The following C21orf58 variants were observed in gnomAD, a reference collection of about 807,000 sequenced individuals.
C21orf58 encodes chromosome 21 open reading frame 58.
Under a neutral mutation model 35.8 loss-of-function variants are expected in C21orf58, and 34 were observed. That is an observed-to-expected ratio of 0.95 (90% confidence interval 0.72 to 1.26). The LOEUF is 1.26. Among genes scored for constraint, C21orf58 ranks in the 50% most tolerant of loss-of-function variants. C21orf58 has a pLI of 0.00. For synonymous variants in C21orf58, 191 were observed against 175.8 expected, an observed-to-expected ratio of 1.09 and a Z score of -0.68; for missense variants, 440 against 414.3, an observed-to-expected ratio of 1.06 and a Z score of -0.54.
chr21:46,315,708 T>A (rs976711260), intron 3 of C21orf58, among the ~76,000 whole-genome samples, 161 bp from the exon 4 acceptor site: 3 of 151,920 alleles, frequency 2.0e-5, no homozygotes, highest in Admixed American at 2.0e-4. Context: ...TTATCCCAGA[T>A]AAAGAGGGAC....
intron 1 of C21orf58, chr21:46,318,668 C>T (rs1318183366): frequency 9.5e-7 from 1 of 1,055,838 alleles, no homozygotes; most frequent in Non-Finnish European, 1.1e-6. Context: ...AGACTGCCTA[C>T]CAAGGAGTTC....
chr21:46,310,688 A>G (rs2082640689), intron 6 of C21orf58, among the ~76,000 whole-genome samples: 1 of 151,216 alleles, frequency 6.6e-6, no homozygotes, highest in Non-Finnish European at 1.5e-5. Context: ...GCAGGCCTAC[A>G]GTTCCAGCCA....
In C21orf58 at chr21:46,301,875, G is replaced by A. The variant is rs535508261; in HGVS notation, c.*124C>T. The A allele has an allele frequency of 7.8e-5, 104 of 1,325,436 alleles. No homozygotes were observed. Among genetic ancestry groups the A allele is most frequent in the African/African-American group, 6.3e-4 (41 of 65,438 alleles). The allele number at this position is 1,325,436 out of a possible 1,614,324, so 82.1% of individuals were successfully genotyped here. A position where few individuals can be genotyped will look rare whatever the true frequency, so the allele number is the denominator to read the frequency against. ...CAGGAGGAGCCTGCAGTCCACACTC[G>A]CGTAGCCACTCCGGGTGGTGGCAGG... On this transcript the variant is annotated 3_prime_UTR_variant, in exon 8 of 8. Coordinates refer to ENST00000291691, the MANE Select transcript of C21orf58 (RefSeq NM_058180.5).
Position 46,302,042 on chromosome 21 carries a change from A to C in C21orf58, c.926T>G (p.Val309Gly), listed in dbSNP as rs1175333601. ...HAVWPPGAAT[V>G]LQPAPSLWTP... is the part of the protein sequence containing the mutation. ...CCACAGGCTGGGGGCGGGCTGGAGG[A>C]CAGTGGCAGCCCCAGGTGGCCACAC... The change falls in exon 8 of 8, where the codon GTC becomes GGC. Residue 309 changes from valine to glycine, a missense_variant. Coordinates refer to ENST00000291691, the MANE Select transcript of C21orf58 (RefSeq NM_058180.5). 5.3e-6 allele frequency: 8 copies of C among 1,523,748 alleles called. No homozygotes were observed. Among genetic ancestry groups the C allele is most frequent in the Non-Finnish European group, 7.0e-6 (8 of 1,134,958 alleles). 94.4% of individuals were successfully genotyped at this position (1,523,748 alleles called of 1,614,324 possible).
At chr21:46,305,735 C>A (rs866155006) in intron 6 of C21orf58, among the ~76,000 whole-genome samples, 3 of 151,034 alleles carry the variant, frequency 2.0e-5, no homozygotes, top group Non-Finnish European at 4.4e-5. Context: ...GTTAGAAGAT[C>A]GAGACCATCC....
chr21:46,314,578 C>A, intron 5 of C21orf58, 138 bp downstream of exon 5: 1 of 662,860 alleles, frequency 1.5e-6, no homozygotes, highest in Non-Finnish European at 2.5e-6. Flanking sequence ...CAGCTGGCCC[C>A]CTTCAAGGGT....
In C21orf58 at chr21:46,301,336, G is replaced by A. The variant is rs8129883; in HGVS notation, c.*663C>T. ...TTTTAAATTTATTTTTTGTAGAGACGGGGTCTTGCTATGTGACCCAGGCTG... is the reference window on the plus strand; with the variant it reads ...TTTTAAATTTATTTTTTGTAGAGACAGGGTCTTGCTATGTGACCCAGGCTG... On this transcript the variant is annotated 3_prime_UTR_variant, in exon 8 of 8. Transcript: ENST00000291691. The A allele has an allele frequency of 5.6e-4, 192 of 343,648 alleles. 1 individual carries two copies. Among genetic ancestry groups the A allele is most frequent in the African/African-American group, 3.5e-3 (158 of 44,850 alleles). The allele number at this position is 343,648 out of a possible 1,614,324, so 21.3% of individuals were successfully genotyped here.
chr21:46,322,591 C>T, intron 1 of C21orf58, 48 bp downstream of exon 1: 1 of 1,441,620 alleles, frequency 6.9e-7, no homozygotes, highest in Non-Finnish European at 9.2e-7. Context: ...GCTCAAACCA[C>T]CCAATTCCGA....
At chr21:46,304,027 T>A (rs1234346871) in intron 6 of C21orf58, among the ~76,000 whole-genome samples, 1 of 108,860 alleles carries the variant, frequency 9.2e-6, no homozygotes, top group Non-Finnish European at 1.9e-5. Context: ...CTGGTTTTTT[T>A]TTTTTTTTTT....
At chr21:46,321,887 A>G (rs2083170163) in intron 1 of C21orf58, among the ~76,000 whole-genome samples, 1 of 140,882 alleles carries the variant, frequency 7.1e-6, no homozygotes, top group Non-Finnish European at 1.5e-5. Flanking sequence ...TATCTACAAA[A>G]TTTATCTGGG....
At chr21:46,309,175 C>T (rs988734718) in intron 6 of C21orf58, among the ~76,000 whole-genome samples, 5 of 151,674 alleles carry the variant, frequency 3.3e-5, no homozygotes, top group Admixed American at 2.0e-4. Context: ...AAAAATTAAC[C>T]GAAGGCCAGG....
chr21:46,311,473 G>C lies in C21orf58; in HGVS notation c.704C>G (p.Ser235Ter). ...ACACTTACCTTCCTTAATACTTCCT[G>C]ACCGTTGAGTAGGGAAGGCCTGGGG... is the stretch of plus-strand genomic sequence containing the variant. ...PPPQAFPTQRSGSIKEDMVEL... is the reference protein window; with the variant it reads ...PPPQAFPTQR Residue 235 changes from serine (S) to a stop codon, truncating the protein, a stop_gained, in exon 6 of 8, where the codon TCA becomes TGA. Coordinates refer to ENST00000291691, the MANE Select transcript of C21orf58 (RefSeq NM_058180.5). LOFTEE classifies it high-confidence loss of function. 1 of 1,598,868 alleles carries C rather than the reference G, an allele frequency of 6.3e-7. No homozygotes were observed. The highest frequency in any genetic ancestry group is 8.6e-7 in the Non-Finnish European group (1 of 1,169,174).
Position 46,322,634 on chromosome 21 carries a change from C to T in C21orf58, c.100+5G>A, listed in dbSNP as rs1305208825. ...AACCAGGAGACCGCTGGACACCCCGCTCACCACACAGAAGACTGTGGCCTG... is the reference window on the plus strand; with the variant it reads ...AACCAGGAGACCGCTGGACACCCCGTTCACCACACAGAAGACTGTGGCCTG... On this transcript the variant is annotated splice_donor_5th_base_variant and intron_variant, in intron 1 of 7. Transcript: ENST00000291691. 7.2e-6 allele frequency: 11 copies of T among 1,533,806 alleles called. No individual in the cohort carries two copies. The highest frequency in any genetic ancestry group is 2.4e-5 in the East Asian group (1 of 41,466).
rs1433507528 is a variant in C21orf58 at position 46,302,249 on chromosome 21, T to C, written c.814-95A>G. The C allele has an allele frequency of 1.1e-5, 16 of 1,432,098 alleles. No individual in the cohort carries two copies. In the East Asian group the frequency reaches 4.1e-4, roughly 36 times the overall value. The allele number at this position is 1,432,098 out of a possible 1,614,324, so 88.7% of individuals were successfully genotyped here. A position where few individuals can be genotyped will look rare whatever the true frequency, so the allele number is the denominator to read the frequency against. On this transcript the variant is annotated intron_variant, in intron 7 of 7. Transcript: ENST00000291691. ...CTAACTGGGGCTGGATCCCATGTGA[T>C]AGGCAGGATGGCAGGGTCTAAGCAT...
chr21:46,323,403 T>C lies in C21orf58; in HGVS notation c.-665A>G, dbSNP rs913541188. ...TAAAAACCTTTTCTTTTCTTTTTTT[T>C]TTGAGACCTAAGACATCAGTGAGAC... On this transcript the variant is annotated 5_prime_UTR_variant, in exon 1 of 8. Coordinates refer to ENST00000291691, the MANE Select transcript of C21orf58 (RefSeq NM_058180.5). 4 of 152,144 alleles carry C rather than the reference T, an allele frequency of 2.6e-5. No homozygotes were observed. The highest frequency in any genetic ancestry group is 4.4e-5 in the Non-Finnish European group (3 of 68,010). 9.4% of individuals were successfully genotyped at this position (152,144 alleles called of 1,614,324 possible). A position where few individuals can be genotyped will look rare whatever the true frequency, so the allele number is the denominator to read the frequency against.
intron 5 of C21orf58, among the ~76,000 whole-genome samples, chr21:46,314,344 C>G (rs1440803601): frequency 6.6e-6 from 1 of 152,122 alleles, no homozygotes; most frequent in Admixed American, 6.5e-5. Context: ...TCCCAAAGTG[C>G]TGGGAGTAGA....
chr21:46,302,401 C>A, intron 7 of C21orf58, 84 bp downstream of exon 7: 3 of 1,191,352 alleles, frequency 2.5e-6, no homozygotes, highest in South Asian at 1.3e-5. Context: ...CCTTTCAGAG[C>A]TACACAGATG....
Position 46,317,191 on chromosome 21 carries a change from A to G in C21orf58, c.370+17T>C, listed in dbSNP as rs777172113. On this transcript the variant is annotated intron_variant, in intron 3 of 7. Coordinates refer to ENST00000291691, the MANE Select transcript of C21orf58 (RefSeq NM_058180.5). ...GCGTCTGTCTGTGCTGGTTCCAAGC[A>G]GCCCAGGGGCTCTCACCTGGCTCGA... 1.9e-6 allele frequency: 3 copies of G among 1,607,932 alleles called. No individual in the cohort carries two copies. The South Asian group carries it at 3.3e-5, about 18-fold the overall frequency.
intron 4 of C21orf58, chr21:46,315,164 A>G: frequency 6.8e-6 from 5 of 732,294 alleles, no homozygotes; most frequent in Non-Finnish European, 8.7e-6. Flanking sequence ...GTCTCCCCCT[A>G]GAAAAGCGGC....
Sources: gnomAD v4.1 joint callset for allele counts (sites outside exome capture counted in the v4.1 genomes callset) on GRCh38, gnomAD v4.1.1 for gene constraint, MANE v1.5 for transcripts, NCBI Gene and HGNC (gene_info 2026-07-23, HGNC 2026-07-21) for gene names.